Variants in TYMP observed in about 807,000 individuals in gnomAD.
TYMP encodes the protein thymidine phosphorylase.
A neutral mutation model predicts 42.3 loss-of-function variants in TYMP; 46 were observed. That is an observed-to-expected ratio of 1.09 (90% CI 0.86 to 1.39). The LOEUF is 1.39. Among genes scored for constraint, TYMP ranks in the 40% most tolerant of loss-of-function variants. The probability of loss-of-function intolerance (pLI) is 0.00; values close to 1 mark genes in which losing one functional copy is unlikely to be tolerated. For synonymous variants in TYMP, 363 were observed against 308.0 expected (o/e 1.18, Z -1.87); for missense variants, 837 against 677.6 (o/e 1.24, Z -2.61).
In TYMP at chr22:50,526,353, C is replaced by T. The variant is rs1410940861; in HGVS notation, c.1052G>A (p.Gly351Asp). Residue 351 changes from glycine (G) to aspartate (D), a missense_variant, in exon 8 of 10, where the codon GGC becomes GAC. Gly to Asp is a moderately conservative substitution (Grantham distance 94). Transcript: ENST00000252029. ...GGCTCGGGCCAGACCGGGATCCACGCCCTGCGCCGCCAGCATCCGCTCGAA... is the reference window on the plus strand; with the variant it reads ...GGCTCGGGCCAGACCGGGATCCACGTCCTGCGCCGCCAGCATCCGCTCGAA... ...GRFERMLAAQ[G>D]VDPGLARALC... 1 of 1,550,812 alleles carries T rather than the reference C, an allele frequency of 6.4e-7. No homozygotes were observed. Among genetic ancestry groups the T allele is most frequent in the East Asian group, 2.5e-5 (1 of 40,156 alleles).
In TYMP at chr22:50,526,934, G is replaced by A. The variant is rs1490067341; in HGVS notation, c.766-196C>T. ...GCCAGGAGGAACTTGTACTTGGTCTGGGGCAGGAACGCCACAGAGGGCTTC... is the reference window on the plus strand; with the variant it reads ...GCCAGGAGGAACTTGTACTTGGTCTAGGGCAGGAACGCCACAGAGGGCTTC... On this transcript the variant is annotated intron_variant, in intron 6 of 9. Transcript: ENST00000252029. 2.0e-5 allele frequency among the ~76,000 whole-genome samples: 3 copies of A among 152,266 alleles called. 1 individual carries two copies. The highest frequency in any genetic ancestry group is 7.2e-5 in the African/African-American group (3 of 41,468).
In TYMP at chr22:50,526,596, C is replaced by G. The variant is rs763685299; in HGVS notation, c.908G>C (p.Arg303Thr). Residue 303 changes from arginine (R) to threonine (T), a missense_variant, in exon 7 of 10, where the codon AGG (arginine) becomes ACG (threonine). Physicochemically the swap from Arg to Thr is moderately conservative, Grantham distance 71. Coordinates refer to ENST00000252029, the MANE Select transcript of TYMP (RefSeq NM_001953.5). ...CMDGAGPPDL[R>T]DLVTTLGGAL... ...CTCACCGAGCGTGGTGACCAGGTCCCTTAAGTCTGGCGGGCCTGCGCCGTC... is the reference window on the plus strand; with the variant it reads ...CTCACCGAGCGTGGTGACCAGGTCCGTTAAGTCTGGCGGGCCTGCGCCGTC... 3 of 1,580,250 alleles carry G rather than the reference C, an allele frequency of 1.9e-6. No homozygotes were observed. Among genetic ancestry groups the G allele is most frequent in the South Asian group, 2.3e-5 (2 of 86,672 alleles).
Position 50,526,152 on chromosome 22 carries a change from A to AG in TYMP, c.1160-12dup, listed in dbSNP as rs2148677222. On this transcript the variant is annotated splice_polypyrimidine_tract_variant and intron_variant, in intron 8 of 9. Coordinates refer to ENST00000252029, the MANE Select transcript of TYMP (RefSeq NM_001953.5). ...CCAGCTCCACGGTGCCTGCGGGGAGAGGGGCTGAGAGGCGCGGGCTCGGGA... is the reference window on the plus strand; with the variant it reads ...CCAGCTCCACGGTGCCTGCGGGGAGAGGGGGCTGAGAGGCGCGGGCTCGGGA... The AG allele has an allele frequency of 6.8e-7, 1 of 1,471,328 alleles. No homozygotes were observed. Among genetic ancestry groups the AG allele is most frequent in the Non-Finnish European group, 9.0e-7 (1 of 1,116,610 alleles). 91.1% of individuals were successfully genotyped at this position (1,471,328 alleles called of 1,614,324 possible).
chr22:50,526,354 C>T lies in TYMP; in HGVS notation c.1051G>A (p.Gly351Ser). 1.9e-6 allele frequency: 3 copies of T among 1,550,906 alleles called. No homozygotes were observed. The highest frequency in any genetic ancestry group is 2.6e-6 in the Non-Finnish European group (3 of 1,160,006). Residue 351 changes from glycine to serine, a missense_variant, in exon 8 of 10, where the codon GGC becomes AGC. Transcript: ENST00000252029. ...GCTCGGGCCAGACCGGGATCCACGCCCTGCGCCGCCAGCATCCGCTCGAAG... is the reference window on the plus strand; with the variant it reads ...GCTCGGGCCAGACCGGGATCCACGCTCTGCGCCGCCAGCATCCGCTCGAAG... ...GRFERMLAAQ[G>S]VDPGLARALC...
At chr22:50,527,514 C>G (rs1020843199) in intron 5 of TYMP, 74 bp downstream of exon 5, 1 of 1,610,322 alleles carries the variant, frequency 6.2e-7, no homozygotes, top group Non-Finnish European at 8.5e-7. Flanking sequence ...TAACTCCTAA[C>G]GAGAGGCCCT....
In TYMP at chr22:50,526,617, C is replaced by T; in HGVS notation, c.887G>A (p.Gly296Asp). ...EVEEALLCMD[G>D]AGPPDLRDLV... ...GTCCCTTAAGTCTGGCGGGCCTGCGCCGTCCATGCAGAGCAGCGCCTCCTC... is the reference window on the plus strand; with the variant it reads ...GTCCCTTAAGTCTGGCGGGCCTGCGTCGTCCATGCAGAGCAGCGCCTCCTC... Residue 296 changes from glycine to aspartate, a missense_variant, in exon 7 of 10, where the codon GGC becomes GAC. Gly to Asp is a moderately conservative substitution (Grantham distance 94). Coordinates refer to ENST00000252029, the MANE Select transcript of TYMP (RefSeq NM_001953.5). 6.3e-7 allele frequency: 1 copy of T among 1,578,830 alleles called. No individual in the cohort carries two copies. The highest frequency in any genetic ancestry group is 1.8e-5 in the Admixed American group (1 of 55,930).
At chr22:50,527,063 G>A (rs2069415511) in intron 6 of TYMP, 102 bp downstream of exon 6, 2 of 969,200 alleles carry the variant, frequency 2.1e-6, no homozygotes, top group African/African-American at 1.6e-5. Flanking sequence ...ACTGGGGTTA[G>A]GCAGGACTGC....
At position 50,526,638 on chromosome 22, in the gene TYMP, T is replaced by G. The variant is rs121913036; in HGVS notation, c.866A>C (p.Glu289Ala). ...TGCGCCGTCCATGCAGAGCAGCGCCTCCTCCACCTCCAGGGCGTGGCCCAC... is the reference window on the plus strand; with the variant it reads ...TGCGCCGTCCATGCAGAGCAGCGCCGCCTCCACCTCCAGGGCGTGGCCCAC... The part of the protein sequence containing the change: ...RCVGHALEVE[E>A]ALLCMDGAGP... The change falls in exon 7 of 10, where the codon GAG becomes GCG. Residue 289 changes from glutamate (E) to alanine (A), a missense_variant. Transcript: ENST00000252029. 90 of 1,570,278 alleles carry G rather than the reference T, an allele frequency of 5.7e-5. No individual in the cohort carries two copies. Among genetic ancestry groups the G allele is most frequent in the Non-Finnish European group, 6.2e-5 (72 of 1,159,652 alleles).
At position 50,526,568 on chromosome 22, in the gene TYMP, C is replaced by T. The variant is rs368204824; in HGVS notation, c.928+8G>A. The T allele has an allele frequency of 1.1e-5, 18 of 1,567,258 alleles. No individual in the cohort carries two copies. In the African/African-American group the frequency reaches 2.4e-4, roughly 21 times the overall value. On this transcript the variant is annotated splice_region_variant and intron_variant, in intron 7 of 9. Coordinates refer to ENST00000252029, the MANE Select transcript of TYMP (RefSeq NM_001953.5). ...CGCCTCCGCTCCCCTACACCCCGTC[C>T]CCCTCACCGAGCGTGGTGACCAGGT... is the stretch of plus-strand genomic sequence containing the variant.
rs926301665 is a variant in TYMP at position 50,526,622 on chromosome 22, C to T, written c.882G>A (p.Met294Ile). ...ALEVEEALLC[M>I]DGAGPPDLRD... ...TTAAGTCTGGCGGGCCTGCGCCGTC[C>T]ATGCAGAGCAGCGCCTCCTCCACCT... The change falls in exon 7 of 10, where the codon ATG (methionine) becomes ATA (isoleucine). Residue 294 changes from methionine to isoleucine, a missense_variant. Coordinates refer to ENST00000252029, the MANE Select transcript of TYMP (RefSeq NM_001953.5). The T allele has an allele frequency of 1.3e-6, 2 of 1,577,616 alleles. No homozygotes were observed. Among genetic ancestry groups the T allele is most frequent in the Non-Finnish European group, 1.7e-6 (2 of 1,163,278 alleles).
At chr22:50,528,852 T>C in intron 3 of TYMP, 1 of 613,056 alleles carries the variant, frequency 1.6e-6, no homozygotes, top group South Asian at 1.9e-5. Flanking sequence ...AGTCCTCAGC[T>C]CCTCCCTTGG....
In TYMP at chr22:50,529,590, G is replaced by C. The variant is rs935752285; in HGVS notation, c.120C>G (p.Ile40Met). 2.5e-6 allele frequency: 4 copies of C among 1,613,062 alleles called. No homozygotes were observed. The Admixed American group carries it at 5.0e-5, about 20-fold the overall frequency. Residue 40 changes from isoleucine to methionine, a missense_variant, in exon 2 of 10, where the codon ATC (isoleucine) becomes ATG (methionine). Coordinates refer to ENST00000252029, the MANE Select transcript of TYMP (RefSeq NM_001953.5). Reference protein sequence around the residue: ...SPEPKQLPELIRMKRDGGRLS... With the variant: ...SPEPKQLPELMRMKRDGGRLS... ...GGCGGCCTCCGTCTCGCTTCATGCG[G>C]ATCAGCTCCGGGAGCTGCTTGGGCT...
chr22:50,526,813 C>G, intron 6 of TYMP, 75 bp from the exon 7 acceptor site: 1 of 1,445,474 alleles, frequency 6.9e-7, no homozygotes, highest in Non-Finnish European at 9.3e-7. Flanking sequence ...AACTCCAGCC[C>G]CTGCTGCACC....
At position 50,528,570 on chromosome 22, in the gene TYMP, C is replaced by A; in HGVS notation, c.458G>T (p.Gly153Val). Residue 153 changes from glycine (G) to valine (V), a missense_variant, in exon 4 of 10, where the codon GGC becomes GTC. Physicochemically the swap from Gly to Val is moderately radical, Grantham distance 109. Transcript: ENST00000252029. Reference sequence around the variant, plus strand: ...AATAGACTCCAGCTTATCCAAGGTGCCTCCTGTGTGCCCCAGACCACGTCC... The same window carrying A: ...AATAGACTCCAGCTTATCCAAGGTGACTCCTGTGTGCCCCAGACCACGTCC... ...ISGRGLGHTGGTLDKLESIPG... is the reference protein window; with the variant it reads ...ISGRGLGHTGVTLDKLESIPG... The A allele has an allele frequency of 6.2e-7, 1 of 1,613,928 alleles. No individual in the cohort carries two copies. The highest frequency in any genetic ancestry group is 8.5e-7 in the Non-Finnish European group (1 of 1,179,998).
rs771169470 is a variant in TYMP at position 50,526,430 on chromosome 22, C to A, written c.975G>T (p.Gln325His). 1 of 1,508,950 alleles carries A rather than the reference C, an allele frequency of 6.6e-7. No homozygotes were observed. The highest frequency in any genetic ancestry group is 2.6e-5 in the East Asian group (1 of 37,892). The allele number at this position is 1,508,950 out of a possible 1,614,324, so 93.5% of individuals were successfully genotyped here. ...GCGCCGCGGCCACCCGGGCAGCGCCCTGGGCCTGAGTCCCCGCGTGTCCGC... is the reference window on the plus strand; with the variant it reads ...GCGCCGCGGCCACCCGGGCAGCGCCATGGGCCTGAGTCCCCGCGTGTCCGC... The part of the protein sequence containing the change: ...WLSGHAGTQA[Q>H]GAARVAAALD... The change falls in exon 8 of 10, where the codon CAG (glutamine) becomes CAT (histidine). Residue 325 changes from glutamine to histidine, a missense_variant. Transcript: ENST00000252029.
chr22:50,526,233 C>T lies in TYMP; in HGVS notation c.1159+13G>A, dbSNP rs745518122. 9 of 1,528,962 alleles carry T rather than the reference C, an allele frequency of 5.9e-6. No homozygotes were observed. The highest frequency in any genetic ancestry group is 7.0e-6 in the Non-Finnish European group (8 of 1,146,274). 94.7% of individuals were successfully genotyped at this position (1,528,962 alleles called of 1,614,324 possible). ...GGCGGAGGCGGAAGGACGGGGACTC[C>T]CCCGACGCTCACCATCTGCGGGCGC... is the stretch of plus-strand genomic sequence containing the variant. On this transcript the variant is annotated intron_variant, in intron 8 of 9. Coordinates refer to ENST00000252029, the MANE Select transcript of TYMP (RefSeq NM_001953.5).
Position 50,525,953 on chromosome 22 carries a change from C to A in TYMP, c.1301-35G>T, listed in dbSNP as rs376232702. ...GAGGGGCTGTTAGAGGCCGCGCGGCCGGAGCTGGGCGGGGGTGCGGGGCCA... is the reference window on the plus strand; with the variant it reads ...GAGGGGCTGTTAGAGGCCGCGCGGCAGGAGCTGGGCGGGGGTGCGGGGCCA... On this transcript the variant is annotated intron_variant, in intron 9 of 9. Transcript: ENST00000252029. 1.5e-4 allele frequency: 204 copies of A among 1,393,064 alleles called. 1 individual carries two copies. In the East Asian group the frequency reaches 4.4e-3, roughly 30 times the overall value. 86.3% of individuals were successfully genotyped at this position (1,393,064 alleles called of 1,614,324 possible). A position where few individuals can be genotyped will look rare whatever the true frequency, so the allele number is the denominator to read the frequency against.
chr22:50,526,659 C>T lies in TYMP; in HGVS notation c.845G>A (p.Gly282Asp), dbSNP rs745699088. The T allele has an allele frequency of 5.1e-6, 8 of 1,557,966 alleles. No homozygotes were observed. Among genetic ancestry groups the T allele is most frequent in the African/African-American group, 1.4e-5 (1 of 73,632 alleles). The change falls in exon 7 of 10, where the codon GGC becomes GAC. Residue 282 changes from glycine to aspartate, a missense_variant. Physicochemically the swap from Gly to Asp is moderately conservative, Grantham distance 94 (BLOSUM62 -1). Transcript: ENST00000252029. ...CGCCTCCTCCACCTCCAGGGCGTGGCCCACGCAGCGACCCAGGGGCTTGTC... is the reference window on the plus strand; with the variant it reads ...CGCCTCCTCCACCTCCAGGGCGTGGTCCACGCAGCGACCCAGGGGCTTGTC... ...AMDKPLGRCV[G>D]HALEVEEALL...
chr22:50,529,839 C>A lies in TYMP; in HGVS notation c.-11+65G>T, dbSNP rs1348801022. On this transcript the variant is annotated intron_variant, in intron 1 of 9. Transcript: ENST00000252029. ...CGGTGTCCGCCCCTCGGTCCCGTGTCTGTGTCGCCCTCGTCCGTGTCTGCC... is the reference window on the plus strand; with the variant it reads ...CGGTGTCCGCCCCTCGGTCCCGTGTATGTGTCGCCCTCGTCCGTGTCTGCC... 5.9e-6 allele frequency: 5 copies of A among 850,840 alleles called. No homozygotes were observed. The South Asian group carries it at 8.7e-5, about 15-fold the overall frequency. 52.7% of individuals were successfully genotyped at this position (850,840 alleles called of 1,614,324 possible).
Sources: allele counts gnomAD v4.1 joint callset (sites outside exome capture counted in the v4.1 genomes callset), GRCh38; gene constraint gnomAD v4.1.1; transcripts MANE v1.5; gene names NCBI Gene and HGNC (gene_info 2026-07-23, HGNC 2026-07-21).